Variants in PHIP observed in about 807,000 individuals in gnomAD.
PHIP encodes PH-interacting protein.
In PHIP, 54 loss-of-function variants were observed where a neutral mutation model predicts 236.8. The ratio of observed to expected loss-of-function variants is 0.23; its 90% CI spans 0.18 to 0.29. The LOEUF is 0.29. Among genes scored for constraint, PHIP ranks in the 10% least tolerant of loss-of-function variants. The pLI, the probability that PHIP is intolerant of heterozygous loss-of-function variation, is 1.00. For missense variants in PHIP, 1,370 were observed against 2,190.8 expected (o/e 0.63, Z 7.48); for synonymous variants, 756 against 718.9 (o/e 1.05, Z -0.83).
chr6:78,966,373 C>T (rs1166786418), intron 27 of PHIP, among the ~76,000 whole-genome samples: 1 of 152,196 alleles, frequency 6.6e-6, no homozygotes. Context: ...TATACCCAAA[C>T]TTTTCACTGA....
rs925051884 is a variant in PHIP at position 78,990,965 on chromosome 6, G to A, written c.2222C>T (p.Thr741Ile). The part of the protein sequence containing the change: ...GVASRQEEWR[T>I]AKGEEEIKTY... Reference sequence around the variant, plus strand: ...CTTTATTTCTTCTTCTCCCTTTGCAGTTCTCCATTCTTCTTGCCTACTGAA... The same window carrying A: ...CTTTATTTCTTCTTCTCCCTTTGCAATTCTCCATTCTTCTTGCCTACTGAA... The change falls in exon 20 of 40, where the codon ACT becomes ATT. Residue 741 changes from threonine (T) to isoleucine (I), a missense_variant. Physicochemically the swap from Thr to Ile is moderately conservative, Grantham distance 89. Coordinates refer to ENST00000275034, the MANE Select transcript of PHIP (RefSeq NM_017934.7). 1.2e-6 allele frequency: 2 copies of A among 1,608,132 alleles called. No homozygotes were observed. The highest frequency in any genetic ancestry group is 1.7e-6 in the Non-Finnish European group (2 of 1,175,784).
chr6:78,935,579 C>G lies in PHIP; in HGVS notation c.*5114G>C. The stretch of plus-strand genomic sequence containing the variant: ...ATCACAGTAACTTACGGTAAGAAAT[C>G]AATAAAATTGTTTTATTAAATGTAC... On this transcript the variant is annotated 3_prime_UTR_variant, in exon 40 of 40. Transcript: ENST00000275034. The G allele has an allele frequency of 1.0e-6, 1 of 970,298 alleles. No homozygotes were observed. The highest frequency in any genetic ancestry group is 1.2e-6 in the Non-Finnish European group (1 of 816,186). 60.1% of individuals were successfully genotyped at this position (970,298 alleles called of 1,614,324 possible).
rs957512820 is a variant in PHIP at position 79,060,331 on chromosome 6, C to T, written c.439+147G>A. The T allele has an allele frequency of 2.4e-5, 13 of 544,550 alleles. No homozygotes were observed. The East Asian group carries it at 3.0e-4, about 12-fold the overall frequency. 33.7% of individuals were successfully genotyped at this position (544,550 alleles called of 1,614,324 possible). On this transcript the variant is annotated intron_variant, in intron 6 of 39. Transcript: ENST00000275034. ...GACTTTTTCACTATTAAAACTACTACTAAGAAAAAAAATCTATTTTTTTCT... is the reference window on the plus strand; with the variant it reads ...GACTTTTTCACTATTAAAACTACTATTAAGAAAAAAAATCTATTTTTTTCT...
chr6:79,042,865 C>T lies in PHIP; in HGVS notation c.578G>A (p.Arg193Gln). Residue 193 changes from arginine to glutamine, a missense_variant, in exon 7 of 40, where the codon CGA becomes CAA. Around this residue, in one of 14 missense-constraint regions of PHIP, gnomAD observed 82 missense variants for 203.2 expected, o/e 0.40. Transcript: ENST00000275034. ...LSSVYCVTFD[R>Q]TGRRIFTGSD... ...TACAGTAAATATCCGTCTGCCAGTT[C>T]GATCAAAAGTTACACAGTACACAGA... The T allele has an allele frequency of 2.5e-6, 4 of 1,600,988 alleles. No homozygotes were observed. The highest frequency in any genetic ancestry group is 2.6e-6 in the Non-Finnish European group (3 of 1,176,084).
intron 20 of PHIP, 96 bp downstream of exon 20, chr6:78,990,772 C>CA: frequency 1.7e-6 from 1 of 584,622 alleles, no homozygotes; most frequent in Admixed American, 3.0e-5. Flanking sequence ...TATCATTAAC[C>CA]TGTTTATAAT....
intron 4 of PHIP, among the ~76,000 whole-genome samples, chr6:79,065,985 A>C (rs74488353): frequency 3.5e-3 from 536 of 152,118 alleles, no homozygotes; most frequent in Non-Finnish European, 6.1e-3. Context: ...ATATAAACTT[A>C]AGCTTTTAAT....
Position 78,935,522 on chromosome 6 carries a change from A to C in PHIP, c.*5171T>G. On this transcript the variant is annotated 3_prime_UTR_variant, in exon 40 of 40. Transcript: ENST00000275034. ...GTTCCACTGAAATGTATCTCTTACGAAAGTATCTGAATAGTGAAGTATTTA... is the reference window on the plus strand; with the variant it reads ...GTTCCACTGAAATGTATCTCTTACGCAAGTATCTGAATAGTGAAGTATTTA... 1 of 975,358 alleles carries C rather than the reference A, an allele frequency of 1.0e-6. No homozygotes were observed. Among genetic ancestry groups the C allele is most frequent in the Non-Finnish European group, 1.2e-6 (1 of 820,800 alleles). The allele number at this position is 975,358 out of a possible 1,614,324, so 60.4% of individuals were successfully genotyped here.
Position 78,947,769 on chromosome 6 carries a change from T to G in PHIP, c.4060A>C (p.Arg1354=), listed in dbSNP as rs1773906433. ...TCCATTGGAGTGTCAATGATGTCTC[T>G]GTAGTCCTAGGAGAGGGAAAACAGG... ...PVDLLEYPDY[R]DIIDTPMDFA... is the part of the protein sequence containing the mutation. Residue 1354 remains arginine, a synonymous_variant, in exon 36 of 40, where the codon AGA becomes CGA. Transcript: ENST00000275034. 6.2e-7 allele frequency: 1 copy of G among 1,606,990 alleles called. No homozygotes were observed. Among genetic ancestry groups the G allele is most frequent in the Non-Finnish European group, 8.5e-7 (1 of 1,174,476 alleles).
chr6:79,014,344 T>A (rs1181842264), intron 15 of PHIP, among the ~76,000 whole-genome samples: 4 of 151,836 alleles, frequency 2.6e-5, no homozygotes, highest in South Asian at 2.1e-4. Flanking sequence ...ATTTCTATAA[T>A]TGGTTTTTTA....
At chr6:79,002,354 T>C (rs1333037076) in intron 16 of PHIP, among the ~76,000 whole-genome samples, 2 of 152,094 alleles carry the variant, frequency 1.3e-5, no homozygotes, top group African/African-American at 4.8e-5. Context: ...CTGAAACAAG[T>C]AAGGGATTAT....
chr6:78,952,038 G>C (rs1418264245), intron 35 of PHIP, among the ~76,000 whole-genome samples: 1 of 152,084 alleles, frequency 6.6e-6, no homozygotes, highest in Non-Finnish European at 1.5e-5. Flanking sequence ...CAATTGTTGA[G>C]TTTTTTTCAC....
At chr6:78,969,322 A>T (rs1459432453) in intron 27 of PHIP, among the ~76,000 whole-genome samples, 1 of 152,208 alleles carries the variant, frequency 6.6e-6, no homozygotes. Flanking sequence ...GTCCTATATG[A>T]AATTTTTAAG....
chr6:79,041,854 T>C (rs1042204232), intron 7 of PHIP, among the ~76,000 whole-genome samples: 2 of 152,090 alleles, frequency 1.3e-5, no homozygotes, highest in African/African-American at 4.8e-5. Context: ...AATGCATTCC[T>C]ACATCCTGCT....
At chr6:79,051,304 T>C (rs1001125771) in intron 6 of PHIP, among the ~76,000 whole-genome samples, 8 of 152,102 alleles carry the variant, frequency 5.3e-5, no homozygotes, top group South Asian at 2.1e-4. Flanking sequence ...TAATGAATGA[T>C]AGTCCCAATT....
rs1769193869 is a variant in PHIP, at chr6:78,990,849, C to T, written c.2319+19G>A. On this transcript the variant is annotated intron_variant, in intron 20 of 39. Transcript: ENST00000275034. Reference sequence around the variant, plus strand: ...TACTTAAGAAGCAAATATTAAACATCAAAATAATTAATATGTACCTTTGAG... The same window carrying T: ...TACTTAAGAAGCAAATATTAAACATTAAAATAATTAATATGTACCTTTGAG... 7.3e-7 allele frequency: 1 copy of T among 1,372,794 alleles called. No individual in the cohort carries two copies. The highest frequency in any genetic ancestry group is 1.0e-6 in the Non-Finnish European group (1 of 979,108). 85.0% of individuals were successfully genotyped at this position (1,372,794 alleles called of 1,614,324 possible). A position where few individuals can be genotyped will look rare whatever the true frequency, so the allele number is the denominator to read the frequency against.
At chr6:78,950,734 T>C (rs1193308649) in intron 35 of PHIP, among the ~76,000 whole-genome samples, 1 of 152,210 alleles carries the variant, frequency 6.6e-6, no homozygotes, top group African/African-American at 2.4e-5. Flanking sequence ...TCTCTCTTTA[T>C]AAGCTGTGTA....
intron 38 of PHIP, chr6:78,945,777 T>C: frequency 1.7e-6 from 1 of 591,634 alleles, no homozygotes; most frequent in Non-Finnish European, 3.0e-6. Flanking sequence ...ATTCAGGTAG[T>C]TTAGATCAGA....
intron 9 of PHIP, 44 bp downstream of exon 9, chr6:79,025,475 T>C (rs1290630013): frequency 8.3e-7 from 1 of 1,200,474 alleles, no homozygotes; most frequent in Admixed American, 1.8e-5. Flanking sequence ...ATTTCACTCA[T>C]TAAACTAAAC....
intron 15 of PHIP, among the ~76,000 whole-genome samples, chr6:79,010,118 GAGAAA>G (rs1770497920): frequency 6.6e-6 from 1 of 151,578 alleles, no homozygotes; most frequent in African/African-American, 2.4e-5. Flanking sequence ...TTGGGTGAGG[GAGAAA>G]AGAAAAGAAA....
Sources: allele counts gnomAD v4.1 joint callset (sites outside exome capture counted in the v4.1 genomes callset), GRCh38; gene constraint gnomAD v4.1.1; regional missense constraint gnomAD v4.1.1; transcripts MANE v1.5; gene names NCBI Gene and HGNC (gene_info 2026-07-23, HGNC 2026-07-21).